HERPUD2: variants seen among roughly 807,000 people sequenced by gnomAD.
HERPUD2 encodes homocysteine-responsive endoplasmic reticulum-resident ubiquitin-like domain member 2 protein.
Under a neutral mutation model 49.9 loss-of-function variants are expected in HERPUD2, and 13 were observed. The ratio of observed to expected loss-of-function variants is 0.26; its 90% CI spans 0.17 to 0.41. The LOEUF (loss-of-function observed/expected upper bound fraction) is 0.41. Among genes scored for constraint, HERPUD2 ranks in the 10% least tolerant of loss-of-function variants. HERPUD2 has a pLI of 1.00. For missense variants in HERPUD2, 449 were observed against 492.2 expected (o/e 0.91, Z 0.83); for synonymous variants, 172 against 171.4 (o/e 1.00, Z -0.03).
chr7:35,644,359 A>G (rs886806738), intron 5 of HERPUD2, among the ~76,000 whole-genome samples: 12 of 152,214 alleles, frequency 7.9e-5, no homozygotes, highest in Admixed American at 7.2e-4. Context: ...AAATGACACC[A>G]TGAGAACTTA....
chr7:35,667,436 T>C lies in HERPUD2; in HGVS notation c.492A>G (p.Gln164=). The C allele has an allele frequency of 6.2e-7, 1 of 1,611,118 alleles. No individual in the cohort carries two copies. Among genetic ancestry groups the C allele is most frequent in the Non-Finnish European group, 8.5e-7 (1 of 1,177,746 alleles). Residue 164 remains glutamine, a splice_region_variant and synonymous_variant, in exon 5 of 9, where the codon CAA becomes CAG. Transcript: ENST00000311350. ...AQSHQFPYVM[Q]GNVDNQFPGQ... ...ATAGCTACCACAATTTCACTTACCC[T>C]TGCATTACATATGGAAACTGGTGAC...
intron 2 of HERPUD2, among the ~76,000 whole-genome samples, chr7:35,693,312 C>T (rs1298529475): frequency 6.6e-6 from 1 of 152,146 alleles, no homozygotes; most frequent in African/African-American, 2.4e-5. Flanking sequence ...GTCCATGTAT[C>T]CTCTACAGGA....
At chr7:35,660,422 T>C (rs1052212259) in intron 5 of HERPUD2, among the ~76,000 whole-genome samples, 3 of 152,218 alleles carry the variant, frequency 2.0e-5, no homozygotes, top group African/African-American at 7.2e-5. Flanking sequence ...CAAATGGTAT[T>C]TCTAGTTCTA....
Position 35,670,344 on chromosome 7 carries a change from A to G in HERPUD2, c.226-16T>C. 1.6e-6 allele frequency: 2 copies of G among 1,265,858 alleles called. No individual in the cohort carries two copies. The highest frequency in any genetic ancestry group is 2.2e-6 in the Non-Finnish European group (2 of 921,844). The allele number at this position is 1,265,858 out of a possible 1,614,324, so 78.4% of individuals were successfully genotyped here. On this transcript the variant is annotated splice_polypyrimidine_tract_variant and intron_variant, in intron 3 of 8. Coordinates refer to ENST00000311350, the MANE Select transcript of HERPUD2 (RefSeq NM_022373.5). Reference sequence around the variant, plus strand: ...ACTCATCTTGCTAAAATTAAAGAAGATTACATTTAAAGGGTAGTACTACAA... The same window carrying G: ...ACTCATCTTGCTAAAATTAAAGAAGGTTACATTTAAAGGGTAGTACTACAA...
intron 6 of HERPUD2, among the ~76,000 whole-genome samples, chr7:35,637,636 C>T (rs1784892711): frequency 6.6e-6 from 1 of 151,932 alleles, no homozygotes; most frequent in Non-Finnish European, 1.5e-5. Flanking sequence ...TAAGACCACG[C>T]AAAAAAGAAA....
Position 35,694,527 on chromosome 7 carries a change from A to G in HERPUD2, c.-197T>C. On this transcript the variant is annotated 5_prime_UTR_variant, in exon 2 of 9. Coordinates refer to ENST00000311350, the MANE Select transcript of HERPUD2 (RefSeq NM_022373.5). ...ATGGACTGAGGTGGTGGCGACTGCG[A>G]CGGTGGGGTCTGGGTGCCCGGCCGT... is the stretch of plus-strand genomic sequence containing the variant. The G allele has an allele frequency of 1.7e-6, 1 of 602,298 alleles. No homozygotes were observed. The highest frequency in any genetic ancestry group is 2.0e-5 in the South Asian group (1 of 49,102). 37.3% of individuals were successfully genotyped at this position (602,298 alleles called of 1,614,324 possible).
rs1785841206 is a variant in HERPUD2, at chr7:35,679,845, C to T, written c.148-6567G>A. Among the ~76,000 whole-genome samples, 5 of 152,212 alleles carry T rather than the reference C, an allele frequency of 3.3e-5. No individual in the cohort carries two copies. The South Asian group carries it at 1.0e-3, about 32-fold the overall frequency. ...ATCCTTCCTCTTACTTCTTCCCTAT[C>T]CCATAACAACCTGTGACCAGTTGTT... On this transcript the variant is annotated intron_variant, in intron 2 of 8. Coordinates refer to ENST00000311350, the MANE Select transcript of HERPUD2 (RefSeq NM_022373.5).
intron 6 of HERPUD2, among the ~76,000 whole-genome samples, chr7:35,636,045 T>C (rs10250406): frequency 0.3 from 46,371 of 152,064 alleles, 7,957 homozygotes; most frequent in Non-Finnish European, 0.38. Flanking sequence ...TTAGAAAGAA[T>C]TGTGATTCTG....
At chr7:35,638,164 G>A (rs925615846) in intron 6 of HERPUD2, among the ~76,000 whole-genome samples, 186 bp downstream of exon 6, 3 of 152,142 alleles carry the variant, frequency 2.0e-5, no homozygotes, top group Non-Finnish European at 2.9e-5. Context: ...ATGTAATTAG[G>A]GAAGACAGGG....
chr7:35,635,161 T>G lies in HERPUD2; in HGVS notation c.915A>C (p.Val305=), dbSNP rs1442646923. 1 of 1,613,636 alleles carries G rather than the reference T, an allele frequency of 6.2e-7. No individual in the cohort carries two copies. The highest frequency in any genetic ancestry group is 8.5e-7 in the Non-Finnish European group (1 of 1,179,642). ...FYSSFSRFIM[V]MGAMLLVYLH... is the part of the protein sequence containing the mutation. ...AATAAACCAGTAGCATGGCTCCCAT[T>G]ACCATGATAAACCGACTAAAAGAAG... is the stretch of plus-strand genomic sequence containing the variant. The change falls in exon 7 of 9, where the codon GTA becomes GTC. Residue 305 remains valine, a synonymous_variant. Transcript: ENST00000311350.
intron 2 of HERPUD2, among the ~76,000 whole-genome samples, chr7:35,674,558 G>C (rs913033369): frequency 4.6e-5 from 7 of 151,232 alleles, no homozygotes; most frequent in Non-Finnish European, 8.8e-5. Context: ...TCTTCAGAAA[G>C]ATGAGTATCT....
At chr7:35,651,775 T>A in intron 5 of HERPUD2, among the ~76,000 whole-genome samples, 1 of 150,544 alleles carries the variant, frequency 6.6e-6, no homozygotes, top group African/African-American at 2.4e-5. Context: ...TTCAAAATAA[T>A]GATATTAAAG....
chr7:35,664,918 T>C (rs1463193857), intron 5 of HERPUD2, among the ~76,000 whole-genome samples: 2 of 152,222 alleles, frequency 1.3e-5, no homozygotes, highest in Admixed American at 6.5e-5. Context: ...TCATTCTCCA[T>C]ACAGCTTTGT....
At chr7:35,685,608 G>A (rs1583571259) in intron 2 of HERPUD2, among the ~76,000 whole-genome samples, 1 of 152,004 alleles carries the variant, frequency 6.6e-6, no homozygotes, top group Admixed American at 6.5e-5. Context: ...TTACAGGCAT[G>A]AGCCACTGTG....
intron 2 of HERPUD2, among the ~76,000 whole-genome samples, chr7:35,690,387 A>C (rs561127709): frequency 2.0e-5 from 3 of 152,378 alleles, no homozygotes; most frequent in Admixed American, 6.5e-5. Context: ...GCAACTGCCT[A>C]AATTCCTAAC....
chr7:35,641,945 A>G (rs529578899), intron 5 of HERPUD2, among the ~76,000 whole-genome samples: 62 of 152,346 alleles, frequency 4.1e-4, no homozygotes, highest in African/African-American at 1.5e-3. Context: ...AATTGCAACA[A>G]AAGCAAAAAT....
At chr7:35,668,348 T>G (rs1247628429) in intron 4 of HERPUD2, among the ~76,000 whole-genome samples, 1 of 152,212 alleles carries the variant, frequency 6.6e-6, no homozygotes, top group East Asian at 1.9e-4. Context: ...CTCGTGCTCA[T>G]GGATTCAGTA....
intron 2 of HERPUD2, among the ~76,000 whole-genome samples, chr7:35,679,601 T>C (rs983539553): frequency 1.3e-5 from 2 of 152,184 alleles, no homozygotes; most frequent in African/African-American, 4.8e-5. Flanking sequence ...GTACATTTCA[T>C]TCATATCACT....
intron 2 of HERPUD2, among the ~76,000 whole-genome samples, chr7:35,676,706 A>C (rs1039356791): frequency 8.5e-5 from 13 of 152,214 alleles, no homozygotes; most frequent in African/African-American, 2.7e-4. Context: ...GTTCACTGTG[A>C]CATTTCCAAT....
Sources: gnomAD v4.1 joint callset for allele counts (sites outside exome capture counted in the v4.1 genomes callset) on GRCh38, gnomAD v4.1.1 for gene constraint, MANE v1.5 for transcripts, NCBI Gene and HGNC (gene_info 2026-07-23, HGNC 2026-07-21) for gene names.